Variants in SPICE1 observed in about 807,000 individuals in gnomAD.
The protein encoded by SPICE1 is spindle and centriole-associated protein 1.
SPICE1 carries 75 observed loss-of-function variants against 102.7 expected under a neutral mutation model. The ratio of observed to expected loss-of-function variants is 0.73; its 90% CI spans 0.61 to 0.88. The LOEUF is 0.88. Ranked by LOEUF, SPICE1 falls within the 40% of genes least tolerant of loss-of-function variation. The pLI is 0.00. For synonymous variants in SPICE1, 308 were observed against 350.3 expected (o/e 0.88, Z 1.35); for missense variants, 979 against 1,020.1 (o/e 0.96, Z 0.55).
chr3:113,445,788 C>T (rs1935498728), intron 17 of SPICE1, among the ~76,000 whole-genome samples: 1 of 152,136 alleles, frequency 6.6e-6, no homozygotes, highest in South Asian at 2.1e-4. Flanking sequence ...ATTCGGGTAT[C>T]TATCATTCCC....
intron 7 of SPICE1, among the ~76,000 whole-genome samples, chr3:113,478,408 A>G (rs1326430217): frequency 6.6e-6 from 1 of 152,192 alleles, no homozygotes; most frequent in Non-Finnish European, 1.5e-5. Context: ...AATTGGAAAC[A>G]AGAAAAAAGT....
chr3:113,445,437 G>T, intron 17 of SPICE1, 77 bp from the exon 18 acceptor site: 1 of 1,215,506 alleles, frequency 8.2e-7, no homozygotes, highest in South Asian at 1.3e-5. Flanking sequence ...AGATCATTTA[G>T]ACCAAGTGCA....
intron 7 of SPICE1, among the ~76,000 whole-genome samples, chr3:113,469,478 T>C (rs2107465240): frequency 6.8e-6 from 1 of 146,724 alleles, no homozygotes; most frequent in East Asian, 2.0e-4. Flanking sequence ...CACATAATTA[T>C]AAAATATATT....
intron 7 of SPICE1, among the ~76,000 whole-genome samples, chr3:113,484,713 T>C (rs185653719): frequency 1.2e-4 from 18 of 152,198 alleles, no homozygotes; most frequent in African/African-American, 3.9e-4. Flanking sequence ...AATCCTGATT[T>C]CTAATTTGAT....
chr3:113,465,100 C>CA (rs35595850), intron 11 of SPICE1, among the ~76,000 whole-genome samples: 3,642 of 131,336 alleles, frequency 0.028, 60 homozygotes, highest in East Asian at 0.052. Context: ...GACACCATCT[C>CA]AAAAAAAAAA....
rs1935468345 is a variant in SPICE1, at chr3:113,444,500, A to C, written c.*807T>G. 2 of 75,492 alleles carry C rather than the reference A, an allele frequency of 2.6e-5. No homozygotes were observed. Among genetic ancestry groups the C allele is most frequent in the African/African-American group, 2.5e-4 (2 of 8,006 alleles). The allele number at this position is 75,492 out of a possible 1,614,324, so 4.7% of individuals were successfully genotyped here. A position where few individuals can be genotyped will look rare whatever the true frequency, so the allele number is the denominator to read the frequency against. On this transcript the variant is annotated 3_prime_UTR_variant, in exon 18 of 18. Coordinates refer to ENST00000295872, the MANE Select transcript of SPICE1 (RefSeq NM_144718.4). Reference sequence around the variant, plus strand: ...GGCAATAAAGCAAGACTCTGTCTCAAAAAAAAAAAAAAAAGAGAAATCTAC... The same window carrying C: ...GGCAATAAAGCAAGACTCTGTCTCACAAAAAAAAAAAAAAGAGAAATCTAC...
chr3:113,507,315 C>G (rs555918102), intron 1 of SPICE1, among the ~76,000 whole-genome samples: 2 of 151,960 alleles, frequency 1.3e-5, no homozygotes, highest in Admixed American at 1.3e-4. Context: ...CCATAGTCCC[C>G]GAACACCAGG....
chr3:113,472,750 A>G (rs1173696680), intron 7 of SPICE1, among the ~76,000 whole-genome samples: 3 of 152,214 alleles, frequency 2.0e-5, no homozygotes, highest in Non-Finnish European at 4.4e-5. Flanking sequence ...GAAAACTAGC[A>G]AACAGAAAGG....
chr3:113,512,185 T>C lies in SPICE1; in HGVS notation c.-1+2712A>G, dbSNP rs1221776973. Among the ~76,000 whole-genome samples, 8 of 152,120 alleles carry C rather than the reference T, an allele frequency of 5.3e-5. No individual in the cohort carries two copies. The South Asian group carries it at 8.3e-4, about 16-fold the overall frequency. On this transcript the variant is annotated intron_variant, in intron 1 of 17. Coordinates refer to ENST00000295872, the MANE Select transcript of SPICE1 (RefSeq NM_144718.4). ...CCCACAGAAATTGTGAAATGATAAA[T>C]AGTAATTGTTTTAGGCCACTAAATC... is the stretch of plus-strand genomic sequence containing the variant.
At chr3:113,480,191 T>A in intron 7 of SPICE1, among the ~76,000 whole-genome samples, 1 of 149,108 alleles carries the variant, frequency 6.7e-6, no homozygotes, top group Non-Finnish European at 1.5e-5. Flanking sequence ...GAAGCTTAAA[T>A]AAACAAGCAA....
At chr3:113,506,667 G>T in intron 1 of SPICE1, 62 bp from the exon 2 acceptor site, 1 of 1,312,448 alleles carries the variant, frequency 7.6e-7, no homozygotes, top group Non-Finnish European at 1.1e-6. Context: ...CATCACCAGA[G>T]TGGGGGAAGA....
At chr3:113,468,507 T>A (rs111641059) in intron 9 of SPICE1, 103 bp from the exon 10 acceptor site, 1 of 1,321,924 alleles carries the variant, frequency 7.6e-7, no homozygotes, top group East Asian at 2.3e-5. Flanking sequence ...ATAAAAGGCT[T>A]GTATAGACGA....
intron 15 of SPICE1, chr3:113,448,864 C>G (rs1469431345): frequency 2.0e-5 from 3 of 152,056 alleles, no homozygotes; most frequent in Non-Finnish European, 4.4e-5. Flanking sequence ...TTATTTTTAT[C>G]ATTATAGTCC....
At position 113,465,718 on chromosome 3, in the gene SPICE1, G is replaced by C. The variant is rs773360228; in HGVS notation, c.1222C>G (p.Arg408Gly). The C allele has an allele frequency of 6.2e-7, 1 of 1,613,538 alleles. No homozygotes were observed. Among genetic ancestry groups the C allele is most frequent in the East Asian group, 2.2e-5 (1 of 44,830 alleles). Residue 408 changes from arginine to glycine, a missense_variant, in exon 11 of 18, where the codon CGA becomes GGA. By Grantham distance (125) the Arg-to-Gly change is moderately radical (BLOSUM62 -2). Coordinates refer to ENST00000295872, the MANE Select transcript of SPICE1 (RefSeq NM_144718.4). ...GCTGTCAGAGCATCAATGAGCTCTC[G>C]ATGATCACCTAATACTTGTTCCAGT... ...QQLEQVLGDH[R>G]ELIDALTAEI...
chr3:113,502,939 T>G (rs1023560961), intron 3 of SPICE1, among the ~76,000 whole-genome samples: 1 of 152,174 alleles, frequency 6.6e-6, no homozygotes, highest in African/African-American at 2.4e-5. Context: ...AGTACTAGAC[T>G]GAAGAGATTT....
chr3:113,482,448 G>A (rs147858794), intron 7 of SPICE1, among the ~76,000 whole-genome samples: 219 of 152,114 alleles, frequency 1.4e-3, no homozygotes, highest in African/African-American at 4.8e-3. Flanking sequence ...TTTTGTTGCC[G>A]TTGCTTTTGG....
At chr3:113,466,919 T>C (rs571708871) in intron 10 of SPICE1, among the ~76,000 whole-genome samples, 61 of 151,768 alleles carry the variant, frequency 4.0e-4, no homozygotes, top group African/African-American at 1.2e-3. Context: ...TGTGGTGGCA[T>C]GCACCTGTGG....
At chr3:113,510,899 A>G (rs1453292761) in intron 1 of SPICE1, among the ~76,000 whole-genome samples, 1 of 152,220 alleles carries the variant, frequency 6.6e-6, no homozygotes. Context: ...AGAGTCTACA[A>G]GGAACTTAAA....
intron 7 of SPICE1, among the ~76,000 whole-genome samples, chr3:113,486,541 A>G (rs1400800085): frequency 6.6e-6 from 1 of 151,660 alleles, no homozygotes; most frequent in Non-Finnish European, 1.5e-5. Context: ...AATAAACTAC[A>G]GTACATTCAC....
Sources: allele counts gnomAD v4.1 joint callset (sites outside exome capture counted in the v4.1 genomes callset), GRCh38; gene constraint gnomAD v4.1.1; transcripts MANE v1.5; gene names NCBI Gene and HGNC (gene_info 2026-07-23, HGNC 2026-07-21).